Variants in CAPN2 observed in about 807,000 individuals in gnomAD.
CAPN2 encodes the protein calpain-2 catalytic subunit.
A neutral mutation model predicts 102.3 loss-of-function variants in CAPN2; 92 were observed. The observed-to-expected ratio is 0.90, with a 90% CI of 0.76 to 1.07. The LOEUF is 1.07. Among genes scored for constraint, CAPN2 ranks in the 50% least tolerant of loss-of-function variants. The probability of loss-of-function intolerance (pLI) is 0.00; values close to 1 mark genes in which losing one functional copy is unlikely to be tolerated. For synonymous variants in CAPN2, 340 were observed against 355.4 expected, an observed-to-expected ratio of 0.96 and a Z score of 0.49; for missense variants, 800 against 909.4, an observed-to-expected ratio of 0.88 and a Z score of 1.55.
Position 223,719,831 on chromosome 1 carries a change from T to TGTGTGTGTGTGTGC in CAPN2, c.307+2001_307+2002insTGTGTGTGTGTGCG, listed in dbSNP as rs1491465648. Among the ~76,000 whole-genome samples, 136 of 96,786 alleles carry TGTGTGTGTGTGTGC rather than the reference T, an allele frequency of 1.4e-3. No individual in the cohort carries two copies. The South Asian group carries it at 0.017, about 12-fold the overall frequency. 63.5% of individuals were successfully genotyped at this position (96,786 alleles called of 152,430 possible). ...GTGTGTGTGTGTGTGTGTGTGTGTG[T>TGTGTGTGTGTGTGC]GCGCGCGCGCGCGTATAATGCAGTA... On this transcript the variant is annotated intron_variant, in intron 2 of 20. Transcript: ENST00000295006.
chr1:223,724,322 ACTGT>A (rs1660135499), intron 2 of CAPN2, among the ~76,000 whole-genome samples: 1 of 152,102 alleles, frequency 6.6e-6, no homozygotes, highest in Non-Finnish European at 1.5e-5. Context: ...GGCTAGCAAC[ACTGT>A]CTGGATGATT....
At chr1:223,768,169 T>C (rs1488507492) in intron 16 of CAPN2, among the ~76,000 whole-genome samples, 2 of 150,792 alleles carry the variant, frequency 1.3e-5, no homozygotes, top group African/African-American at 4.9e-5. Flanking sequence ...TAGTTTCTTT[T>C]GCTGTGCAGA....
rs1238774132 is a variant in CAPN2 at position 223,759,461 on chromosome 1, T to A, written c.1509T>A (p.Ser503=). 35 of 1,613,978 alleles carry A rather than the reference T, an allele frequency of 2.2e-5. No individual in the cohort carries two copies. Among genetic ancestry groups the A allele is most frequent in the Non-Finnish European group, 3.0e-5 (35 of 1,180,034 alleles). Residue 503 remains serine, a synonymous_variant, in exon 12 of 21, where the codon TCT becomes TCA. Transcript: ENST00000295006. This position sits in a 1 kb window ranked among gnomAD's most constrained non-coding sequence, Gnocchi z 4.6. ...KDGDFCIRVF[S]EKKADYQAVD... ...GGGATTTCTGCATCCGGGTCTTTTC[T>A]GAAAAGAAAGCTGACTACCAGTAGG...
chr1:223,711,512 C>T (rs1270211702), upstream of CAPN2, among the ~76,000 whole-genome samples: 1 of 152,192 alleles, frequency 6.6e-6, no homozygotes, highest in Non-Finnish European at 1.5e-5. Flanking sequence ...TATGCCCATG[C>T]AATATTTGGG....
At chr1:223,742,478 C>A (rs1412565093) in intron 2 of CAPN2, among the ~76,000 whole-genome samples, 3 of 140,852 alleles carry the variant, frequency 2.1e-5, no homozygotes, top group Non-Finnish European at 4.5e-5. Context: ...ACATATATTA[C>A]ATATTTTATA....
At chr1:223,741,365 C>T (rs1444224902) in intron 2 of CAPN2, among the ~76,000 whole-genome samples, 2 of 148,560 alleles carry the variant, frequency 1.3e-5, no homozygotes, top group African/African-American at 5.1e-5. Context: ...ACATCTCCTT[C>T]AACTCCAGAA....
At chr1:223,757,845 GTT>G (rs35617793) in intron 11 of CAPN2, 32,755 of 142,372 alleles carry the variant, frequency 0.23, 5,441 homozygotes, top group African/African-American at 0.49. Context: ...TCAGGGTTTT[GTT>G]TTTTTTTTTT....
chr1:223,741,260 G>T (rs1192028450), intron 2 of CAPN2, among the ~76,000 whole-genome samples: 1 of 151,678 alleles, frequency 6.6e-6, no homozygotes, highest in African/African-American at 2.4e-5. Context: ...TGCTGATTGG[G>T]GTGAGGGAAA....
At chr1:223,702,774 T>C (rs1659517256) in intron 1 of CAPN2, among the ~76,000 whole-genome samples, 1 of 152,066 alleles carries the variant, frequency 6.6e-6, no homozygotes, top group Non-Finnish European at 1.5e-5. Flanking sequence ...GCATAGGAGT[T>C]ATTGACCTAG....
At chr1:223,763,795 C>T (rs1350001069) in intron 14 of CAPN2, among the ~76,000 whole-genome samples, 1 of 152,162 alleles carries the variant, frequency 6.6e-6, no homozygotes, top group African/African-American at 2.4e-5. Flanking sequence ...CGTATCTAGG[C>T]TGGGCACAGT....
At chr1:223,762,670 C>T (rs1351304487) in intron 14 of CAPN2, among the ~76,000 whole-genome samples, 2 of 152,098 alleles carry the variant, frequency 1.3e-5, no homozygotes, top group Admixed American at 6.5e-5. Flanking sequence ...CTTTTCTGTT[C>T]TCTTTTCTTT....
chr1:223,736,575 T>C (rs1660461073), intron 2 of CAPN2, among the ~76,000 whole-genome samples: 1 of 152,098 alleles, frequency 6.6e-6, no homozygotes, highest in Admixed American at 6.5e-5. Flanking sequence ...CTGCCCTGGG[T>C]GATTTCCTTT....
intron 2 of CAPN2, 83 bp from the exon 3 acceptor site, chr1:223,744,017 G>A: frequency 2.2e-6 from 2 of 905,890 alleles, no homozygotes; most frequent in Non-Finnish European, 3.7e-6. Flanking sequence ...TAGGCTTTAA[G>A]CCCCTGGAGG....
At chr1:223,705,365 C>G (rs796906951) in intron 1 of CAPN2, among the ~76,000 whole-genome samples, 2 of 152,342 alleles carry the variant, frequency 1.3e-5, no homozygotes, top group African/African-American at 4.8e-5. Flanking sequence ...AAATGACATA[C>G]TGACCACCAT....
At chr1:223,711,666 A>C (rs146992255), upstream of CAPN2, among the ~76,000 whole-genome samples, 2,306 of 152,306 alleles carry the variant, frequency 0.015, 61 homozygotes, top group African/African-American at 0.052. Context: ...GCTGGAGCGC[A>C]GTGGCGCGAT....
intron 5 of CAPN2, 74 bp from the exon 6 acceptor site, chr1:223,748,965 G>T: frequency 7.2e-7 from 1 of 1,395,338 alleles, no homozygotes; most frequent in South Asian, 1.2e-5. Context: ...CCCGGCAGTA[G>T]GACAGAGGGA....
Position 223,726,181 on chromosome 1 carries a change from G to T in CAPN2, c.307+8350G>T, listed in dbSNP as rs1409556012. On this transcript the variant is annotated intron_variant, in intron 2 of 20. Coordinates refer to ENST00000295006, the MANE Select transcript of CAPN2 (RefSeq NM_001748.5). The surrounding 1 kb of genome is among the most constrained non-coding windows in gnomAD (Gnocchi z 4.4). ...TACTGTCTTTGGGCTTCCTCCAGGA[G>T]CTAAGAAAGGAGAGTTCCTGAAGAG... 6.6e-6 allele frequency among the ~76,000 whole-genome samples: 1 copy of T among 152,236 alleles called. No homozygotes were observed. Among genetic ancestry groups the T allele is most frequent in the Non-Finnish European group, 1.5e-5 (1 of 68,048 alleles).
chr1:223,752,696 T>TAATGA (rs1660932919), intron 8 of CAPN2, 100 bp from the exon 9 acceptor site: 1 of 1,131,090 alleles, frequency 8.8e-7, no homozygotes, highest in Admixed American at 2.0e-5. Flanking sequence ...TGAGCTGCTC[T>TAATGA]GCCTGGCTTT....
chr1:223,715,761 C>T (rs1659859238), intron 1 of CAPN2, among the ~76,000 whole-genome samples: 2 of 152,204 alleles, frequency 1.3e-5, no homozygotes, highest in Non-Finnish European at 2.9e-5. Flanking sequence ...AAAATCAAAC[C>T]TCTGAGAGGT....
Sources: gnomAD v4.1 joint callset for allele counts (sites outside exome capture counted in the v4.1 genomes callset) on GRCh38, gnomAD v4.1.1 for gene constraint, Gnocchi (gnomAD v3.1) non-coding constraint, MANE v1.5 for transcripts, NCBI Gene and HGNC (gene_info 2026-07-23, HGNC 2026-07-21) for gene names.